COLEC12: variants seen among roughly 807,000 people sequenced by gnomAD.
COLEC12 encodes the protein collectin-12.
In COLEC12, 33 loss-of-function variants were observed where a neutral mutation model predicts 71.1. That is an observed-to-expected ratio of 0.46 (90% CI 0.35 to 0.62). The LOEUF (loss-of-function observed/expected upper bound fraction) is 0.62. Ranked by LOEUF, COLEC12 falls within the 20% of genes least tolerant of loss-of-function variation. The pLI is 0.00. For missense variants in COLEC12, 765 were observed against 916.1 expected (o/e 0.84, Z 2.13); for synonymous variants, 350 against 353.0 (o/e 0.99, Z 0.10).
At chr18:483,087 GT>G (rs1264835133) in intron 1 of COLEC12, among the ~76,000 whole-genome samples, 5 of 152,106 alleles carry the variant, frequency 3.3e-5, no homozygotes, top group African/African-American at 1.2e-4. Flanking sequence ...ATACTTGTTT[GT>G]TACAATGTAT....
intron 6 of COLEC12, chr18:333,861 C>G (rs1914042219): frequency 6.6e-6 from 1 of 152,148 alleles, no homozygotes; most frequent in African/African-American, 2.4e-5. Flanking sequence ...TTGTGTTTGT[C>G]TTCTGAGGGC....
chr18:426,233 A>G (rs1020197504), intron 2 of COLEC12, among the ~76,000 whole-genome samples: 1 of 152,230 alleles, frequency 6.6e-6, no homozygotes. Flanking sequence ...AACGAGCAAT[A>G]ATACACACTG....
chr18:433,660 G>A (rs978459020), intron 2 of COLEC12, among the ~76,000 whole-genome samples: 4 of 152,076 alleles, frequency 2.6e-5, no homozygotes, highest in Non-Finnish European at 5.9e-5. Context: ...TGAATCCAGA[G>A]TCTGCCCTGC....
intron 2 of COLEC12, among the ~76,000 whole-genome samples, chr18:392,369 T>G (rs939349205): frequency 6.6e-6 from 1 of 152,228 alleles, no homozygotes; most frequent in African/African-American, 2.4e-5. Context: ...CGAACATCCA[T>G]GCTAACTTGA....
chr18:424,903 C>T (rs1364831247), intron 2 of COLEC12, among the ~76,000 whole-genome samples: 1 of 152,172 alleles, frequency 6.6e-6, no homozygotes, highest in African/African-American at 2.4e-5. Context: ...AATGCCATGT[C>T]ACAGCTGAGC....
chr18:379,181 G>A (rs983321886), intron 2 of COLEC12, among the ~76,000 whole-genome samples: 1 of 151,964 alleles, frequency 6.6e-6, no homozygotes, highest in African/African-American at 2.4e-5. Context: ...GGAGTACGGA[G>A]GAGTGATCAC....
rs1416515726 is a variant in COLEC12 at position 318,194 on chromosome 18, A to C, written c.*1851T>G. 1.3e-5 allele frequency: 2 copies of C among 151,532 alleles called. No individual in the cohort carries two copies. Among genetic ancestry groups the C allele is most frequent in the African/African-American group, 4.8e-5 (2 of 41,258 alleles). The allele number at this position is 151,532 out of a possible 1,614,324, so 9.4% of individuals were successfully genotyped here. A position where few individuals can be genotyped will look rare whatever the true frequency, so the allele number is the denominator to read the frequency against. ...ACGGGGTTTCACCGTGTTAGCCAGGATGGTCTCGATCTCCTGACCTTGTGA... is the reference window on the plus strand; with the variant it reads ...ACGGGGTTTCACCGTGTTAGCCAGGCTGGTCTCGATCTCCTGACCTTGTGA... On this transcript the variant is annotated 3_prime_UTR_variant, in exon 10 of 10. Coordinates refer to ENST00000400256, the MANE Select transcript of COLEC12 (RefSeq NM_130386.3).
chr18:358,659 ACCT>A (rs1914679296), intron 2 of COLEC12, among the ~76,000 whole-genome samples: 4 of 152,116 alleles, frequency 2.6e-5, no homozygotes, highest in Admixed American at 2.6e-4. Flanking sequence ...CCCACTGCTC[ACCT>A]CCTGCTATGC....
rs1465256188 is a variant in COLEC12, at chr18:399,689, AC to A, written c.59-42168del. 1.3e-5 allele frequency among the ~76,000 whole-genome samples: 2 copies of A among 152,134 alleles called. No homozygotes were observed. The highest frequency in any genetic ancestry group is 4.8e-5 in the African/African-American group (2 of 41,404). ...GGGAAGAACCCTACTTTGTGCTGTTACCTGTTGTTAGTTCAACGGGGATGCG... is the reference window on the plus strand; with the variant it reads ...GGGAAGAACCCTACTTTGTGCTGTTACTGTTGTTAGTTCAACGGGGATGCG... On this transcript the variant is annotated intron_variant, in intron 2 of 9. Transcript: ENST00000400256. The surrounding 1 kb of genome is among the most constrained non-coding windows in gnomAD (Gnocchi z 4.0).
At chr18:372,290 A>C (rs1915016726) in intron 2 of COLEC12, among the ~76,000 whole-genome samples, 1 of 152,260 alleles carries the variant, frequency 6.6e-6, no homozygotes, top group Non-Finnish European at 1.5e-5. Flanking sequence ...TATTAAATCA[A>C]GCACCAGAGT....
At chr18:344,935 T>C (rs921845916) in intron 5 of COLEC12, among the ~76,000 whole-genome samples, 1 of 152,240 alleles carries the variant, frequency 6.6e-6, no homozygotes, top group African/African-American at 2.4e-5. Context: ...GACAAAGCTA[T>C]TGAACAGAGT....
At chr18:447,726 G>A (rs919100349) in intron 2 of COLEC12, among the ~76,000 whole-genome samples, 1 of 152,146 alleles carries the variant, frequency 6.6e-6, no homozygotes, top group African/African-American at 2.4e-5. Context: ...CCAGAGCTTA[G>A]ATACTTTGCT....
intron 2 of COLEC12, among the ~76,000 whole-genome samples, chr18:438,493 T>C (rs960837090): frequency 6.6e-6 from 1 of 152,140 alleles, no homozygotes; most frequent in Non-Finnish European, 1.5e-5. Flanking sequence ...AAAGACAACA[T>C]ATTAGAGATA....
intron 3 of COLEC12, among the ~76,000 whole-genome samples, chr18:351,768 G>T (rs1487220791): frequency 6.6e-6 from 1 of 152,048 alleles, no homozygotes; most frequent in African/African-American, 2.4e-5. Flanking sequence ...AAGTTTTAGG[G>T]TACATGTGCA....
chr18:498,702 G>T (rs1488759215), intron 1 of COLEC12, among the ~76,000 whole-genome samples: 1 of 152,066 alleles, frequency 6.6e-6, no homozygotes, highest in Non-Finnish European at 1.5e-5. Context: ...AAAATGATTA[G>T]TCTACCCGGG....
intron 2 of COLEC12, among the ~76,000 whole-genome samples, chr18:409,790 T>A (rs1915858696): frequency 6.6e-6 from 1 of 152,208 alleles, no homozygotes; most frequent in Non-Finnish European, 1.5e-5. Context: ...CTTATACACA[T>A]ACCATGCATA....
chr18:403,212 T>C (rs1439253571), intron 2 of COLEC12, among the ~76,000 whole-genome samples: 1 of 151,914 alleles, frequency 6.6e-6, no homozygotes, highest in Non-Finnish European at 1.5e-5. Context: ...CTCCATGGTT[T>C]GTTACATGTA....
At chr18:488,688 C>T (rs1332093157) in intron 1 of COLEC12, among the ~76,000 whole-genome samples, 1 of 151,918 alleles carries the variant, frequency 6.6e-6, no homozygotes, top group Non-Finnish European at 1.5e-5. Context: ...GCCTGGCCAA[C>T]ATGGTGAAAC....
intron 2 of COLEC12, among the ~76,000 whole-genome samples, chr18:390,606 G>A (rs953526842): frequency 1.1e-4 from 17 of 151,962 alleles, no homozygotes; most frequent in South Asian, 2.1e-4. Context: ...CTAAAAATAC[G>A]AAAATTAGCC....
Sources: allele counts gnomAD v4.1 joint callset (sites outside exome capture counted in the v4.1 genomes callset), GRCh38; gene constraint gnomAD v4.1.1; non-coding constraint Gnocchi (gnomAD v3.1); transcripts MANE v1.5; gene names NCBI Gene and HGNC (gene_info 2026-07-23, HGNC 2026-07-21).